Variants in SLC44A5 observed in about 807,000 individuals in gnomAD.
The protein encoded by SLC44A5 is choline transporter-like protein 5.
SLC44A5 carries 57 observed loss-of-function variants against 101.8 expected under a neutral mutation model. The observed-to-expected ratio is 0.56, with a 90% CI of 0.45 to 0.70. SLC44A5 has a LOEUF of 0.70. Among genes scored for constraint, SLC44A5 ranks in the 30% least tolerant of loss-of-function variants. The probability of loss-of-function intolerance (pLI) is 0.00; values close to 1 mark genes in which losing one functional copy is unlikely to be tolerated. For missense variants in SLC44A5, 737 were observed against 853.1 expected (o/e 0.86, Z 1.70); for synonymous variants, 281 against 290.9 (o/e 0.97, Z 0.35).
At chr1:75,397,441 A>G (rs975050422) in intron 2 of SLC44A5, among the ~76,000 whole-genome samples, 4 of 152,276 alleles carry the variant, frequency 2.6e-5, no homozygotes, top group South Asian at 2.1e-4. Context: ...TTTTTCATCA[A>G]TCGGACTAAC....
At chr1:75,518,128 CT>C (rs1372070492) in intron 2 of SLC44A5, among the ~76,000 whole-genome samples, 2 of 152,250 alleles carry the variant, frequency 1.3e-5, no homozygotes, top group East Asian at 1.9e-4. Flanking sequence ...CACATGTAAG[CT>C]TTTTTCTACT....
At chr1:75,682,854 C>T in the SLC44A5 span, among the ~76,000 whole-genome samples, 2 of 152,136 alleles carry the variant, frequency 1.3e-5, no homozygotes, top group African/African-American at 4.8e-5. Flanking sequence ...GCAACCTACT[C>T]ATCTGTCAAA....
chr1:75,268,618 T>C (rs1651201980), intron 6 of SLC44A5, among the ~76,000 whole-genome samples: 2 of 152,166 alleles, frequency 1.3e-5, no homozygotes, highest in Admixed American at 6.6e-5. Flanking sequence ...AAATAATTAC[T>C]GTAAGCATAT....
intron 23 of SLC44A5, chr1:75,206,690 T>C (rs749011827): frequency 1.8e-5 from 29 of 1,612,418 alleles, no homozygotes; most frequent in Non-Finnish European, 2.5e-5. Flanking sequence ...GGTTTTTCTG[T>C]AGATCCATCA....
intron 3 of SLC44A5, among the ~76,000 whole-genome samples, chr1:75,363,544 A>G (rs1358412297): frequency 2.6e-5 from 4 of 152,088 alleles, no homozygotes; most frequent in Non-Finnish European, 4.4e-5. Context: ...CTAATTGCAT[A>G]CAAAAATTCT....
At chr1:75,447,849 C>T (rs539272450) in intron 2 of SLC44A5, among the ~76,000 whole-genome samples, 4 of 152,014 alleles carry the variant, frequency 2.6e-5, no homozygotes, top group African/African-American at 9.6e-5. Context: ...TTTTGTTTTT[C>T]ATTATACCTT....
At chr1:75,601,371 G>A (rs1247113020) in intron 1 of SLC44A5, among the ~76,000 whole-genome samples, 7 of 149,116 alleles carry the variant, frequency 4.7e-5, no homozygotes, top group Non-Finnish European at 7.4e-5. Context: ...ACTGGGGCTT[G>A]TCGGGGGCTG....
chr1:75,680,087 T>A, the SLC44A5 span, among the ~76,000 whole-genome samples: 2 of 152,176 alleles, frequency 1.3e-5, no homozygotes, highest in Non-Finnish European at 2.9e-5. Flanking sequence ...ATGCACCCAA[T>A]ACAGGAGCAC....
the SLC44A5 span, among the ~76,000 whole-genome samples, chr1:75,668,315 C>CTTTTTT: frequency 1.8e-4 from 12 of 65,088 alleles, 3 homozygotes; most frequent in South Asian, 1.5e-3. Context: ...TCCTAGGAGC[C>CTTTTTT]TTTTTTTTTT....
chr1:75,262,605 T>A (rs1458268109), intron 6 of SLC44A5, among the ~76,000 whole-genome samples: 2 of 152,128 alleles, frequency 1.3e-5, no homozygotes, highest in Non-Finnish European at 2.9e-5. Context: ...TACCACTGAC[T>A]TTCTTCATAG....
At chr1:75,308,347 T>A (rs976223946) in intron 4 of SLC44A5, among the ~76,000 whole-genome samples, 1 of 152,204 alleles carries the variant, frequency 6.6e-6, no homozygotes, top group African/African-American at 2.4e-5. Context: ...TAGCTTTAAC[T>A]GGCTGTGATT....
intron 5 of SLC44A5, among the ~76,000 whole-genome samples, chr1:75,275,622 G>A (rs77289376): frequency 0.057 from 8,628 of 152,144 alleles, 281 homozygotes; most frequent in Middle Eastern, 0.12. Context: ...GAGCTTAATA[G>A]AAGTATCAAG....
intron 3 of SLC44A5, among the ~76,000 whole-genome samples, chr1:75,350,719 C>T (rs983077948): frequency 1.3e-5 from 2 of 151,194 alleles, no homozygotes; most frequent in African/African-American, 4.9e-5. Context: ...ATGGTGAAAC[C>T]CTGTCTTTAC....
Position 75,497,826 on chromosome 1 carries a change from T to C in SLC44A5, c.13+43609A>G, listed in dbSNP as rs532896615. Among the ~76,000 whole-genome samples the C allele has an allele frequency of 4.6e-5, 7 of 152,290 alleles. No homozygotes were observed. In the South Asian group the frequency reaches 1.0e-3, roughly 23 times the overall value. On this transcript the variant is annotated intron_variant, in intron 2 of 23. Coordinates refer to ENST00000370859, the MANE Select transcript of SLC44A5 (RefSeq NM_001130058.2). ...AATAATTACTTAAGAATATACTTCA[T>C]CTGGAAAGAAAATAAACTCAGAGGT...
intron 3 of SLC44A5, among the ~76,000 whole-genome samples, chr1:75,356,777 T>C (rs1003636685): frequency 2.4e-4 from 36 of 152,322 alleles, no homozygotes; most frequent in African/African-American, 8.4e-4. Flanking sequence ...ATTTTAAATC[T>C]TTTATACTGC....
intron 3 of SLC44A5, among the ~76,000 whole-genome samples, chr1:75,347,979 G>A (rs1157279740): frequency 6.6e-6 from 1 of 152,140 alleles, no homozygotes; most frequent in African/African-American, 2.4e-5. Context: ...TTGGAAGAGA[G>A]AGTGAAAGAC....
At chr1:75,478,456 C>A (rs1006555679) in intron 2 of SLC44A5, among the ~76,000 whole-genome samples, 1 of 152,108 alleles carries the variant, frequency 6.6e-6, no homozygotes, top group Non-Finnish European at 1.5e-5. Flanking sequence ...CACAGACTGG[C>A]AAATTGGATA....
chr1:75,457,556 CATT>C (rs1200170032), intron 2 of SLC44A5, among the ~76,000 whole-genome samples: 2 of 152,056 alleles, frequency 1.3e-5, no homozygotes, highest in South Asian at 2.1e-4. Context: ...ATATTCAAGG[CATT>C]ATAAAAAGTT....
chr1:75,528,206 A>G lies in SLC44A5; in HGVS notation c.13+13229T>C, dbSNP rs575505580. Among the ~76,000 whole-genome samples the G allele has an allele frequency of 3.9e-5, 6 of 152,330 alleles. No homozygotes were observed. The South Asian group carries it at 1.2e-3, about 32-fold the overall frequency. Reference sequence around the variant, plus strand: ...TGATGCCAAGATCTATTCACTAGAAACATAATTACTTCTCTTTCAACATGA... The same window carrying G: ...TGATGCCAAGATCTATTCACTAGAAGCATAATTACTTCTCTTTCAACATGA... On this transcript the variant is annotated intron_variant, in intron 2 of 23. Coordinates refer to ENST00000370859, the MANE Select transcript of SLC44A5 (RefSeq NM_001130058.2).
Sources: gnomAD v4.1 joint callset for allele counts (sites outside exome capture counted in the v4.1 genomes callset) on GRCh38, gnomAD v4.1.1 for gene constraint, MANE v1.5 for transcripts, NCBI Gene and HGNC (gene_info 2026-07-23, HGNC 2026-07-21) for gene names.